Variants in LRMDA observed in about 807,000 individuals in gnomAD.
The protein encoded by LRMDA is leucine-rich melanocyte differentiation-associated protein.
A neutral mutation model predicts 29.8 loss-of-function variants in LRMDA; 18 were observed. That is an observed-to-expected ratio of 0.60 (90% confidence interval 0.42 to 0.90). The LOEUF (loss-of-function observed/expected upper bound fraction) is 0.90. LRMDA is among the 40% of genes least tolerant of loss of function. LRMDA has a pLI of 0.00. For synonymous variants in LRMDA, 125 were observed against 109.4 expected (o/e 1.14, Z -0.89); for missense variants, 273 against 273.9 (o/e 1.00, Z 0.02).
chr10:76,257,580 TA>T (rs1852620266), intron 5 of LRMDA, among the ~76,000 whole-genome samples: 1 of 151,794 alleles, frequency 6.6e-6, no homozygotes, highest in Admixed American at 6.6e-5. Context: ...GTGATCCACC[TA>T]CCTCAGCCTC....
intron 5 of LRMDA, among the ~76,000 whole-genome samples, chr10:76,254,439 A>G (rs1852552902): frequency 7.1e-6 from 1 of 141,094 alleles, no homozygotes; most frequent in South Asian, 2.4e-4. Flanking sequence ...CTGAAATGCT[A>G]TAGTCTCTTA....
intron 2 of LRMDA, among the ~76,000 whole-genome samples, chr10:75,977,561 C>T (rs779552743): frequency 2.0e-5 from 3 of 152,204 alleles, no homozygotes; most frequent in African/African-American, 7.2e-5. Flanking sequence ...AATAAACAGA[C>T]ATTTCTGCCT....
chr10:76,027,094 G>C (rs548182679), intron 2 of LRMDA, among the ~76,000 whole-genome samples: 1 of 152,330 alleles, frequency 6.6e-6, no homozygotes, highest in South Asian at 2.1e-4. Flanking sequence ...CTTTAGGACT[G>C]TCTCAATCAC....
intron 5 of LRMDA, among the ~76,000 whole-genome samples, chr10:76,218,925 C>T (rs991710233): frequency 6.6e-6 from 1 of 152,178 alleles, no homozygotes; most frequent in African/African-American, 2.4e-5. Context: ...CACAGCCTGT[C>T]CTTGCCGAGG....
At chr10:76,231,524 G>A (rs1439866887) in intron 5 of LRMDA, among the ~76,000 whole-genome samples, 2 of 152,172 alleles carry the variant, frequency 1.3e-5, no homozygotes, top group Non-Finnish European at 2.9e-5. Context: ...TTATGAAAAA[G>A]GCAAGGATCT....
At chr10:75,802,932 A>ATGTGTGTGTGTG (rs71024568) in intron 2 of LRMDA, among the ~76,000 whole-genome samples, 5 of 136,098 alleles carry the variant, frequency 3.7e-5, no homozygotes, top group African/African-American at 1.4e-4. Flanking sequence ...TTAATACATT[A>ATGTGTGTGTGTG]TGTGTGTGTG....
At chr10:75,721,858 CT>C (rs1360331155) in intron 2 of LRMDA, among the ~76,000 whole-genome samples, 2 of 152,148 alleles carry the variant, frequency 1.3e-5, no homozygotes, top group Admixed American at 6.5e-5. Context: ...GGGATCCTTG[CT>C]TTTTGCATAG....
chr10:76,074,170 C>T (rs953940712), intron 5 of LRMDA, among the ~76,000 whole-genome samples: 8 of 152,318 alleles, frequency 5.3e-5, no homozygotes, highest in Middle Eastern at 3.4e-3. Context: ...TTGTATGCAA[C>T]TGTGCAGTCT....
chr10:75,518,692 T>C (rs192637454), intron 2 of LRMDA, among the ~76,000 whole-genome samples: 2 of 152,348 alleles, frequency 1.3e-5, no homozygotes, highest in African/African-American at 4.8e-5. Context: ...TTTTTGTGTC[T>C]CTATCTCCTT....
At chr10:76,509,071 A>G (rs1842984974) in intron 6 of LRMDA, among the ~76,000 whole-genome samples, 4 of 152,130 alleles carry the variant, frequency 2.6e-5, no homozygotes, top group Admixed American at 2.6e-4. Flanking sequence ...TCTATACATT[A>G]TTTGTTCCAT....
At chr10:76,038,774 A>G (rs1295869297) in intron 3 of LRMDA, among the ~76,000 whole-genome samples, 1 of 152,218 alleles carries the variant, frequency 6.6e-6, no homozygotes. Context: ...TGCTTTAGAT[A>G]TGGCCTCTAT....
At chr10:75,697,856 T>TGTGTGTGCGCGCGCGCGC (rs1294136239) in intron 2 of LRMDA, among the ~76,000 whole-genome samples, 7 of 150,800 alleles carry the variant, frequency 4.6e-5, no homozygotes, top group African/African-American at 1.7e-4. Flanking sequence ...TGTGTGCGTG[T>TGTGTGTGCGCGCGCGCGC]GTGTGTGTGT....
At position 76,560,040 on chromosome 10, in the gene LRMDA, C is replaced by T. The variant is rs982632437; in HGVS notation, c.*2752C>T. ...ACTTTTACCAGCCTCACTCATAAAC[C>T]CTCCATCTGTTTGTTGCTTTAAATA... On this transcript the variant is annotated 3_prime_UTR_variant, in exon 7 of 7. Coordinates refer to ENST00000611255, the MANE Select transcript of LRMDA (RefSeq NM_001305581.2). 3.3e-5 allele frequency: 5 copies of T among 152,156 alleles called. No homozygotes were observed. The highest frequency in any genetic ancestry group is 1.2e-4 in the African/African-American group (5 of 41,426). 9.4% of individuals were successfully genotyped at this position (152,156 alleles called of 1,614,324 possible).
intron 2 of LRMDA, among the ~76,000 whole-genome samples, chr10:75,440,997 A>G (rs1455983412): frequency 6.6e-6 from 1 of 152,090 alleles, no homozygotes; most frequent in African/African-American, 2.4e-5. Flanking sequence ...AGATCGTGCC[A>G]TTGTACTCCA....
chr10:76,146,907 C>T (rs1357453086), intron 5 of LRMDA, among the ~76,000 whole-genome samples: 1 of 152,112 alleles, frequency 6.6e-6, no homozygotes. Context: ...TCAGCATTTG[C>T]TTGTCTGTAA....
chr10:75,527,175 A>G (rs1238311363), intron 2 of LRMDA, among the ~76,000 whole-genome samples: 1 of 152,180 alleles, frequency 6.6e-6, no homozygotes, highest in East Asian at 1.9e-4. Context: ...TACTATTTTT[A>G]AGGTCCACCC....
At chr10:76,188,004 G>A (rs1851179807) in intron 5 of LRMDA, among the ~76,000 whole-genome samples, 1 of 152,202 alleles carries the variant, frequency 6.6e-6, no homozygotes, top group South Asian at 2.1e-4. Flanking sequence ...AGCAGTTTTT[G>A]GCAGCAAGCA....
chr10:76,072,482 TA>T (rs200054082), intron 5 of LRMDA, among the ~76,000 whole-genome samples: 19 of 149,024 alleles, frequency 1.3e-4, no homozygotes, highest in South Asian at 2.1e-4. Context: ...AGCCTTTAAT[TA>T]AAAAAAAAAG....
chr10:75,868,310 G>A (rs1004310262), intron 2 of LRMDA, among the ~76,000 whole-genome samples: 1 of 152,180 alleles, frequency 6.6e-6, no homozygotes, highest in Non-Finnish European at 1.5e-5. Flanking sequence ...ACACTTCCTA[G>A]CTGTGTAACC....
Sources: allele counts gnomAD v4.1 joint callset (sites outside exome capture counted in the v4.1 genomes callset), GRCh38; gene constraint gnomAD v4.1.1; transcripts MANE v1.5; gene names NCBI Gene and HGNC (gene_info 2026-07-23, HGNC 2026-07-21).